Variants in FAM124B observed in about 807,000 individuals in gnomAD.
The protein encoded by FAM124B is protein FAM124B.
FAM124B carries 18 observed loss-of-function variants against 19.7 expected under a neutral mutation model. The ratio of observed to expected loss-of-function variants is 0.92; its 90% CI spans 0.63 to 1.36. The LOEUF is 1.36. Among genes scored for constraint, FAM124B ranks in the 40% most tolerant of loss-of-function variants. FAM124B has a pLI of 0.00. For missense variants in FAM124B, 540 were observed against 553.3 expected, an observed-to-expected ratio of 0.98 and a Z score of 0.24; for synonymous variants, 223 against 225.2, an observed-to-expected ratio of 0.99 and a Z score of 0.09.
chr2:224,395,307 C>G (rs1470910677), intron 1 of FAM124B, among the ~76,000 whole-genome samples: 2 of 152,194 alleles, frequency 1.3e-5, no homozygotes, highest in East Asian at 3.8e-4. Context: ...GGACACGGGT[C>G]TCAGCTGTGG....
At chr2:224,391,968 G>C (rs1689895012) in intron 1 of FAM124B, among the ~76,000 whole-genome samples, 1 of 152,116 alleles carries the variant, frequency 6.6e-6, no homozygotes, top group Non-Finnish European at 1.5e-5. Context: ...AAATATTTTT[G>C]GAACTTTTTT....
At position 224,379,470 on chromosome 2, in the gene FAM124B, GC is replaced by G. The variant is rs1481742037; in HGVS notation, c.*102del. The G allele has an allele frequency of 7.2e-7, 1 of 1,388,670 alleles. No individual in the cohort carries two copies. The allele number at this position is 1,388,670 out of a possible 1,614,324, so 86.0% of individuals were successfully genotyped here. On this transcript the variant is annotated 3_prime_UTR_variant, in exon 2 of 2. Transcript: ENST00000409685. The stretch of plus-strand genomic sequence containing the variant: ...ACAGATTGTGCATGGGGAGCATTCA[GC>G]CCCCCTCAGATGAACAACTAACAGG...
chr2:224,387,364 G>A (rs1689814743), intron 1 of FAM124B, among the ~76,000 whole-genome samples: 1 of 152,164 alleles, frequency 6.6e-6, no homozygotes, highest in African/African-American at 2.4e-5. Context: ...AAGCTGTTAA[G>A]GGGCAGACTA....
intron 1 of FAM124B, among the ~76,000 whole-genome samples, chr2:224,397,754 C>G (rs1689996861): frequency 6.6e-6 from 1 of 152,172 alleles, no homozygotes; most frequent in South Asian, 2.1e-4. Context: ...TGCCCCTGCC[C>G]TAGAGATTTG....
chr2:224,379,961 G>C lies in FAM124B; in HGVS notation c.980C>G (p.Ala327Gly), dbSNP rs1349074836. ...PGRSFQVSSP[A>G]MGAHLHLSSH... ...AGACAGGTGCAGGTGGGCACCCATAGCTGGGCTGCTGACCTGGAATGACCG... is the reference window on the plus strand; with the variant it reads ...AGACAGGTGCAGGTGGGCACCCATACCTGGGCTGCTGACCTGGAATGACCG... The change falls in exon 2 of 2, where the codon GCT (alanine) becomes GGT (glycine). Residue 327 changes from alanine (A) to glycine (G), a missense_variant. Coordinates refer to ENST00000409685, the MANE Select transcript of FAM124B (RefSeq NM_001122779.2). 2.4e-5 allele frequency: 37 copies of C among 1,551,764 alleles called. No homozygotes were observed. Among genetic ancestry groups the C allele is most frequent in the Non-Finnish European group, 3.1e-5 (35 of 1,147,008 alleles).
chr2:224,390,922 C>T (rs1036713506), intron 1 of FAM124B, among the ~76,000 whole-genome samples: 3 of 151,318 alleles, frequency 2.0e-5, no homozygotes, highest in African/African-American at 4.8e-5. Context: ...CCAGGATGGT[C>T]GCGATCTCCT....
chr2:224,380,701 C>T (rs1463822722), intron 1 of FAM124B, among the ~76,000 whole-genome samples: 4 of 152,188 alleles, frequency 2.6e-5, no homozygotes, highest in Non-Finnish European at 5.9e-5. Flanking sequence ...AAATACATAT[C>T]TTGGGCCATT....
chr2:224,400,945 C>A, intron 1 of FAM124B, 92 bp downstream of exon 1: 2 of 1,473,298 alleles, frequency 1.4e-6, no homozygotes, highest in Non-Finnish European at 1.8e-6. Flanking sequence ...TAATATGCAA[C>A]CAAGTCTGAG....
chr2:224,391,798 C>T (rs1190664958), intron 1 of FAM124B, among the ~76,000 whole-genome samples: 1 of 152,170 alleles, frequency 6.6e-6, no homozygotes, highest in Non-Finnish European at 1.5e-5. Flanking sequence ...AATTTCCTAT[C>T]TTTAAAGTGG....
chr2:224,397,791 T>C (rs1027486714), intron 1 of FAM124B, among the ~76,000 whole-genome samples: 5 of 152,158 alleles, frequency 3.3e-5, no homozygotes, highest in Non-Finnish European at 7.3e-5. Context: ...AGGGAGATGA[T>C]TTAGGGTATC....
At chr2:224,381,510 A>C (rs1457806006) in intron 1 of FAM124B, among the ~76,000 whole-genome samples, 1 of 146,652 alleles carries the variant, frequency 6.8e-6, no homozygotes, top group African/African-American at 2.5e-5. Context: ...TAAAAAAATC[A>C]GTGGTTGCCA....
intron 1 of FAM124B, among the ~76,000 whole-genome samples, chr2:224,398,022 A>G (rs1216320404): frequency 6.6e-6 from 1 of 152,162 alleles, no homozygotes; most frequent in East Asian, 1.9e-4. Context: ...GAGGCTTCCC[A>G]AGCCACGTGG....
In FAM124B at chr2:224,379,354, G is replaced by T. The variant is rs1689674118; in HGVS notation, c.*219C>A. ...ACAAAAGCATTCGGTTTTTTTCCCT[G>T]TGTGTTGGCTGTGTTCTCTTATGAC... On this transcript the variant is annotated 3_prime_UTR_variant, in exon 2 of 2. Transcript: ENST00000409685. 3.2e-6 allele frequency: 2 copies of T among 622,454 alleles called. No individual in the cohort carries two copies. Among genetic ancestry groups the T allele is most frequent in the Non-Finnish European group, 5.0e-6 (2 of 396,174 alleles). The allele number at this position is 622,454 out of a possible 1,614,324, so 38.6% of individuals were successfully genotyped here.
chr2:224,379,805 A>G lies in FAM124B; in HGVS notation c.1136T>C (p.Phe379Ser). The G allele has an allele frequency of 6.4e-7, 1 of 1,551,846 alleles. No individual in the cohort carries two copies. Among genetic ancestry groups the G allele is most frequent in the Non-Finnish European group, 8.7e-7 (1 of 1,147,028 alleles). ...CTGTAAATCCCTTGGAAATCCGCCA[A>G]AATAAGTCTGCCTGGGTTCAGAATT... ...IINSEPRQTY[F>S]GGFPRDLQTS... Residue 379 changes from phenylalanine to serine, a missense_variant, in exon 2 of 2, where the codon TTT (phenylalanine) becomes TCT (serine). Coordinates refer to ENST00000409685, the MANE Select transcript of FAM124B (RefSeq NM_001122779.2).
intron 1 of FAM124B, among the ~76,000 whole-genome samples, chr2:224,398,977 A>G (rs1417224107): frequency 6.6e-6 from 1 of 152,208 alleles, no homozygotes; most frequent in Non-Finnish European, 1.5e-5. Context: ...ACTCTGTCTC[A>G]AAAACAAAAG....
chr2:224,400,501 C>A, intron 1 of FAM124B: 1 of 692,290 alleles, frequency 1.4e-6, no homozygotes, highest in South Asian at 1.5e-5. Flanking sequence ...GGAAGACTCC[C>A]ATCTCTAAAA....
chr2:224,392,657 A>G (rs1689906410), intron 1 of FAM124B, among the ~76,000 whole-genome samples: 1 of 151,752 alleles, frequency 6.6e-6, no homozygotes, highest in Admixed American at 6.6e-5. Context: ...CCAGAGACTG[A>G]GGCAGGAGGA....
chr2:224,385,247 C>A (rs1484387023), intron 1 of FAM124B, among the ~76,000 whole-genome samples: 8 of 152,142 alleles, frequency 5.3e-5, no homozygotes, highest in Non-Finnish European at 1.5e-5. Flanking sequence ...CTACAATCAG[C>A]CCTCCTGTCA....
chr2:224,401,049 C>A lies in FAM124B; in HGVS notation c.720G>T (p.Lys240Asn), dbSNP rs1272353221. 1.9e-6 allele frequency: 3 copies of A among 1,599,104 alleles called. No individual in the cohort carries two copies. The highest frequency in any genetic ancestry group is 2.7e-5 in the African/African-American group (2 of 74,504). The change falls in exon 1 of 2, where the codon AAG becomes AAT. Residue 240 changes from lysine to asparagine, a missense_variant. Coordinates refer to ENST00000409685, the MANE Select transcript of FAM124B (RefSeq NM_001122779.2). Reference protein sequence around the residue: ...RWQTQDYDGNKILLQVQLNPE... With the variant: ...RWQTQDYDGNNILLQVQLNPE... ...AAAACAGAAATACCTGAAGCAGAAT[C>A]TTGTTGCCATCGTAGTCCTGAGTCT... is the stretch of plus-strand genomic sequence containing the variant.
Sources: allele counts gnomAD v4.1 joint callset (sites outside exome capture counted in the v4.1 genomes callset), GRCh38; gene constraint gnomAD v4.1.1; transcripts MANE v1.5; gene names NCBI Gene and HGNC (gene_info 2026-07-23, HGNC 2026-07-21).